ADAMTS2: variants seen among roughly 807,000 people sequenced by gnomAD.
ADAMTS2 encodes the protein A disintegrin and metalloproteinase with thrombospondin motifs 2.
ADAMTS2 carries 50 observed loss-of-function variants against 123.0 expected under a neutral mutation model. The ratio of observed to expected loss-of-function variants is 0.41; its 90% CI spans 0.32 to 0.51. The LOEUF is 0.51. Ranked by LOEUF, ADAMTS2 falls within the 20% of genes least tolerant of loss-of-function variation. The pLI, the probability that ADAMTS2 is intolerant of heterozygous loss-of-function variation, is 0.35. For missense variants in ADAMTS2, 1,494 were observed against 1,705.2 expected (o/e 0.88, Z 2.18); for synonymous variants, 678 against 695.4 (o/e 0.98, Z 0.39).
chr5:179,210,170 T>C (rs1161916446), intron 3 of ADAMTS2, among the ~76,000 whole-genome samples: 3 of 152,242 alleles, frequency 2.0e-5, no homozygotes, highest in Non-Finnish European at 2.9e-5. Context: ...CACACAGGGC[T>C]TGGCTCACCA....
chr5:179,295,897 G>A (rs75848657), intron 2 of ADAMTS2, among the ~76,000 whole-genome samples: 276 of 152,336 alleles, frequency 1.8e-3, no homozygotes, highest in African/African-American at 6.4e-3. Flanking sequence ...CAAGGGAGGC[G>A]TGGAGACAGG....
At chr5:179,125,208 G>C in intron 18 of ADAMTS2, 28 bp from the exon 19 acceptor site, 1 of 1,606,116 alleles carries the variant, frequency 6.2e-7, no homozygotes, top group Non-Finnish European at 8.5e-7. Flanking sequence ...GGCACAGTCA[G>C]GCTTCCGCAG....
At chr5:179,238,790 C>T (rs1765593635) in intron 3 of ADAMTS2, among the ~76,000 whole-genome samples, 3 of 152,024 alleles carry the variant, frequency 2.0e-5, no homozygotes, top group Non-Finnish European at 2.9e-5. Context: ...CTGAGCTGAA[C>T]GAAGCAGGAG....
At chr5:179,287,566 G>A (rs1756056528) in intron 2 of ADAMTS2, among the ~76,000 whole-genome samples, 1 of 152,132 alleles carries the variant, frequency 6.6e-6, no homozygotes, top group South Asian at 2.1e-4. Context: ...AATTTTCTGG[G>A]CGATCCCAAG....
intron 2 of ADAMTS2, among the ~76,000 whole-genome samples, chr5:179,316,686 A>G (rs558288587): frequency 6.6e-6 from 1 of 152,350 alleles, no homozygotes; most frequent in East Asian, 1.9e-4. Flanking sequence ...GTGTACACCT[A>G]TAATTCCAGC....
At chr5:179,165,847 T>C (rs1043308315) in intron 5 of ADAMTS2, among the ~76,000 whole-genome samples, 2 of 152,138 alleles carry the variant, frequency 1.3e-5, no homozygotes, top group African/African-American at 4.8e-5. Flanking sequence ...AGTAGGGCTG[T>C]GGATGAAGTC....
chr5:179,216,363 T>C lies in ADAMTS2; in HGVS notation c.689-8648A>G, dbSNP rs11745186. On this transcript the variant is annotated intron_variant, in intron 3 of 21. Coordinates refer to ENST00000251582, the MANE Select transcript of ADAMTS2 (RefSeq NM_014244.5). ...AGTACTTGGCTTGGCCATGTGCCGA[T>C]GAGGGGCGCTCCCCTCCTCTGCTGA... Among the ~76,000 whole-genome samples, 900 of 152,232 alleles carry C rather than the reference T, an allele frequency of 5.9e-3. 5 individuals are homozygous for C. Among genetic ancestry groups the C allele is most frequent in the Middle Eastern group, 0.01 (3 of 294 alleles).
chr5:179,264,982 C>T (rs74930322), intron 3 of ADAMTS2, among the ~76,000 whole-genome samples: 11,273 of 149,490 alleles, frequency 0.075, 491 homozygotes, highest in East Asian at 0.2. Context: ...AGCAGCATGC[C>T]GGGCGGGGCT....
chr5:179,267,365 G>A (rs1199560339), intron 3 of ADAMTS2, among the ~76,000 whole-genome samples: 2 of 152,240 alleles, frequency 1.3e-5, no homozygotes, highest in Admixed American at 6.5e-5. Flanking sequence ...AGAGGCTCCC[G>A]TGGTGGCGTG....
chr5:179,207,512 C>T lies in ADAMTS2; in HGVS notation c.891+1G>A. ...CCTGCCCCCTCAGCCACCCCACTCA[C>T]AATGTTCATGAGTGTCAGCAGGTAC... On this transcript the variant is annotated splice_donor_variant, in intron 4 of 21. Coordinates refer to ENST00000251582, the MANE Select transcript of ADAMTS2 (RefSeq NM_014244.5). LOFTEE classifies it high-confidence loss of function. 7.0e-7 allele frequency: 1 copy of T among 1,436,882 alleles called. No homozygotes were observed. The highest frequency in any genetic ancestry group is 9.6e-7 in the Non-Finnish European group (1 of 1,045,610). The allele number at this position is 1,436,882 out of a possible 1,614,324, so 89.0% of individuals were successfully genotyped here. A position where few individuals can be genotyped will look rare whatever the true frequency, so the allele number is the denominator to read the frequency against.
rs563601962 is a variant in ADAMTS2, at chr5:179,246,907, C to A, written c.688+26004G>T. 2.0e-5 allele frequency among the ~76,000 whole-genome samples: 3 copies of A among 152,256 alleles called. No homozygotes were observed. The East Asian group carries it at 5.8e-4, about 29-fold the overall frequency. ...ACAAGCAACAACACATAAAAAACAA[C>A]AAGCCCTGGGAAGTGGGGGGCATCT... On this transcript the variant is annotated intron_variant, in intron 3 of 21. Coordinates refer to ENST00000251582, the MANE Select transcript of ADAMTS2 (RefSeq NM_014244.5).
rs1388954152 is a variant in ADAMTS2 at position 179,132,680 on chromosome 5, C to G, written c.2209+97G>C. ...TCCCCCTCCCCAGAACAGTCATAAG[C>G]CCGGACAGCCCCAGGATGAGTCAGG... On this transcript the variant is annotated intron_variant, in intron 14 of 21. Coordinates refer to ENST00000251582, the MANE Select transcript of ADAMTS2 (RefSeq NM_014244.5). This position sits in a 1 kb window ranked among gnomAD's most constrained non-coding sequence, Gnocchi z 6.1. 16 of 1,553,432 alleles carry G rather than the reference C, an allele frequency of 1.0e-5. No homozygotes were observed. Among genetic ancestry groups the G allele is most frequent in the Non-Finnish European group, 1.4e-5 (16 of 1,131,340 alleles).
rs2127463924 is a variant in ADAMTS2 at position 179,345,288 on chromosome 5, G to C, written c.41C>G (p.Pro14Arg). The change falls in exon 1 of 22, where the codon CCC (proline) becomes CGC (arginine). Residue 14 changes from proline to arginine, a missense_variant. Physicochemically the swap from Pro to Arg is moderately radical, Grantham distance 103. Coordinates refer to ENST00000251582, the MANE Select transcript of ADAMTS2 (RefSeq NM_014244.5). The surrounding 1 kb of genome is among the most constrained non-coding windows in gnomAD (Gnocchi z 7.5). Reference sequence around the variant, plus strand: ...CAGCAGCAGCAGCAGCAGCAGCGCGGGGCAGAGCAGGCGGCGAGCGGCTCC... The same window carrying C: ...CAGCAGCAGCAGCAGCAGCAGCGCGCGGCAGAGCAGGCGGCGAGCGGCTCC... Reference protein sequence around the residue: ...PAGAARRLLCPALLLLLLLLP... With the variant: ...PAGAARRLLCRALLLLLLLLP... 2 of 1,144,520 alleles carry C rather than the reference G, an allele frequency of 1.7e-6. No individual in the cohort carries two copies. The highest frequency in any genetic ancestry group is 2.1e-6 in the Non-Finnish European group (2 of 934,102). The allele number at this position is 1,144,520 out of a possible 1,614,324, so 70.9% of individuals were successfully genotyped here.
Position 179,290,842 on chromosome 5 carries a change from C to A in ADAMTS2, c.535-17778G>T, listed in dbSNP as rs376198241. 3.9e-5 allele frequency among the ~76,000 whole-genome samples: 6 copies of A among 152,110 alleles called. No individual in the cohort carries two copies. The East Asian group carries it at 5.8e-4, about 15-fold the overall frequency. On this transcript the variant is annotated intron_variant, in intron 2 of 21. Coordinates refer to ENST00000251582, the MANE Select transcript of ADAMTS2 (RefSeq NM_014244.5). ...GGATCGGGGAGCAAGTACAGAGGCC[C>A]TGAGAAGGAAGCAAGCCTGGCGTGT...
chr5:179,345,332 A>T lies in ADAMTS2; in HGVS notation c.-4T>A, dbSNP rs949519564. 17 of 1,131,654 alleles carry T rather than the reference A, an allele frequency of 1.5e-5. No homozygotes were observed. Among genetic ancestry groups the T allele is most frequent in the Non-Finnish European group, 1.7e-5 (16 of 924,166 alleles). The allele number at this position is 1,131,654 out of a possible 1,614,324, so 70.1% of individuals were successfully genotyped here. A position where few individuals can be genotyped will look rare whatever the true frequency, so the allele number is the denominator to read the frequency against. Reference sequence around the variant, plus strand: ...CGGCTCCCGCCGGCGGATCCATGGCAGCCGGACTGCAGCCGGGGCCCCGCA... The same window carrying T: ...CGGCTCCCGCCGGCGGATCCATGGCTGCCGGACTGCAGCCGGGGCCCCGCA... On this transcript the variant is annotated 5_prime_UTR_variant, in exon 1 of 22. Coordinates refer to ENST00000251582, the MANE Select transcript of ADAMTS2 (RefSeq NM_014244.5). The surrounding 1 kb of genome is among the most constrained non-coding windows in gnomAD (Gnocchi z 7.5).
intron 3 of ADAMTS2, among the ~76,000 whole-genome samples, chr5:179,211,367 CT>C (rs113816764): frequency 0.3 from 44,895 of 152,110 alleles, 6,939 homozygotes; most frequent in South Asian, 0.34. Flanking sequence ...ACTGGGCCCC[CT>C]GGGGGTGCTG....
rs918447839 is a variant in ADAMTS2, at chr5:179,153,902, C to T, written c.1382+147G>A. On this transcript the variant is annotated intron_variant, in intron 8 of 21. Coordinates refer to ENST00000251582, the MANE Select transcript of ADAMTS2 (RefSeq NM_014244.5). ...TCCTCCAGACACCAGGCTTCTCTCA[C>T]AGGTGTGCCCTCTCTCCTCCCCCGC... The T allele has an allele frequency of 6.8e-5, 82 of 1,212,548 alleles. No homozygotes were observed. In the African/African-American group the frequency reaches 1.2e-3, roughly 17 times the overall value. The allele number at this position is 1,212,548 out of a possible 1,614,324, so 75.1% of individuals were successfully genotyped here. A position where few individuals can be genotyped will look rare whatever the true frequency, so the allele number is the denominator to read the frequency against.
intron 3 of ADAMTS2, among the ~76,000 whole-genome samples, chr5:179,224,595 C>T (rs1765231937): frequency 1.3e-5 from 2 of 152,202 alleles, no homozygotes; most frequent in South Asian, 4.1e-4. Flanking sequence ...GCCATGTGGG[C>T]AGGGGGATGA....
At chr5:179,159,929 C>T (rs1298810359) in intron 5 of ADAMTS2, among the ~76,000 whole-genome samples, 2 of 152,124 alleles carry the variant, frequency 1.3e-5, no homozygotes, top group Non-Finnish European at 2.9e-5. Flanking sequence ...CTCCACAATC[C>T]TCACAGCAGG....
Sources: gnomAD v4.1 joint callset for allele counts (sites outside exome capture counted in the v4.1 genomes callset) on GRCh38, gnomAD v4.1.1 for gene constraint, Gnocchi (gnomAD v3.1) non-coding constraint, MANE v1.5 for transcripts, NCBI Gene and HGNC (gene_info 2026-07-23, HGNC 2026-07-21) for gene names.